PLCL2: variants seen among roughly 807,000 people sequenced by gnomAD.
PLCL2 encodes the protein inactive phospholipase C-like protein 2.
Under a neutral mutation model 79.6 loss-of-function variants are expected in PLCL2, and 4 were observed. The ratio of observed to expected loss-of-function variants is 0.05; its 90% confidence interval spans 0.02 to 0.11. The LOEUF is 0.11. Ranked by LOEUF, PLCL2 falls within the 10% of genes least tolerant of loss-of-function variation. The pLI is 1.00. For missense variants in PLCL2, 895 were observed against 1,291.0 expected (o/e 0.69, Z 4.70); for synonymous variants, 484 against 457.7 (o/e 1.06, Z -0.73).
chr3:17,022,058 G>T (rs889529798), intron 3 of PLCL2, among the ~76,000 whole-genome samples: 1 of 151,882 alleles, frequency 6.6e-6, no homozygotes, highest in East Asian at 1.9e-4. Context: ...ATTTGATAGG[G>T]TCTCCATGGT....
At chr3:16,888,560 A>G (rs756830459) in intron 1 of PLCL2, among the ~76,000 whole-genome samples, 16 of 152,218 alleles carry the variant, frequency 1.1e-4, no homozygotes, top group Non-Finnish European at 1.9e-4. Flanking sequence ...TATGTTTGTC[A>G]TCTTAAGTAA....
intron 1 of PLCL2, among the ~76,000 whole-genome samples, chr3:16,957,720 G>A (rs1029344185): frequency 3.3e-5 from 5 of 152,092 alleles, no homozygotes; most frequent in African/African-American, 1.2e-4. Flanking sequence ...CTCCTGTATT[G>A]GGGGCATATA....
Position 16,994,946 on chromosome 3 carries a change from G to A in PLCL2, c.328-14728G>A, listed in dbSNP as rs1351626504. Among the ~76,000 whole-genome samples, 3 of 152,378 alleles carry A rather than the reference G, an allele frequency of 2.0e-5. No individual in the cohort carries two copies. In the East Asian group the frequency reaches 5.8e-4, roughly 29 times the overall value. On this transcript the variant is annotated intron_variant, in intron 1 of 5. Transcript: ENST00000615277. ...CCAGAGTATGGAAGAGGCAAGAGCT[G>A]AGATTGGAGAATCTGAATTAGAGTG...
chr3:16,980,580 C>T (rs1383670427), intron 1 of PLCL2, among the ~76,000 whole-genome samples: 2 of 151,494 alleles, frequency 1.3e-5, no homozygotes, highest in African/African-American at 4.9e-5. Context: ...GATGTGATGG[C>T]GGCCGGGAAG....
intron 1 of PLCL2, among the ~76,000 whole-genome samples, chr3:17,008,203 A>G (rs1266553936): frequency 6.6e-6 from 1 of 151,812 alleles, no homozygotes. Flanking sequence ...ATTGGGGCAT[A>G]GTAATAGGTT....
At chr3:16,964,991 G>C (rs892401386) in intron 1 of PLCL2, among the ~76,000 whole-genome samples, 21 of 152,048 alleles carry the variant, frequency 1.4e-4, no homozygotes, top group African/African-American at 4.8e-4. Flanking sequence ...TCTGATGGTA[G>C]TTTCTTTTGC....
intron 5 of PLCL2, among the ~76,000 whole-genome samples, chr3:17,080,314 G>C (rs900473279): frequency 9.2e-5 from 14 of 152,140 alleles, no homozygotes; most frequent in Non-Finnish European, 5.9e-5. Context: ...ACCTGACCAA[G>C]CTAGGAGGCC....
intron 1 of PLCL2, among the ~76,000 whole-genome samples, chr3:16,899,442 A>G (rs138835027): frequency 5.9e-5 from 9 of 152,316 alleles, no homozygotes; most frequent in African/African-American, 2.2e-4. Context: ...ATTTCTGTGC[A>G]GAAGTTCACA....
intron 1 of PLCL2, among the ~76,000 whole-genome samples, chr3:16,897,947 C>A (rs2119478): frequency 0.64 from 96,995 of 152,058 alleles, 31,307 homozygotes; most frequent in East Asian, 0.86. Context: ...CTGGACTGCA[C>A]AAATTATTAG....
chr3:16,984,230 C>A (rs990590571), intron 1 of PLCL2, among the ~76,000 whole-genome samples: 2 of 152,012 alleles, frequency 1.3e-5, no homozygotes, highest in African/African-American at 4.8e-5. Context: ...TTTTTAAATT[C>A]TGATATTTTT....
At chr3:17,016,141 C>T (rs1329172320) in intron 3 of PLCL2, among the ~76,000 whole-genome samples, 1 of 152,134 alleles carries the variant, frequency 6.6e-6, no homozygotes, top group East Asian at 1.9e-4. Flanking sequence ...AGAGTATTTC[C>T]AGTTTCACAA....
chr3:16,958,361 C>T (rs570903213), intron 1 of PLCL2, among the ~76,000 whole-genome samples: 44 of 151,882 alleles, frequency 2.9e-4, no homozygotes, highest in Non-Finnish European at 5.6e-4. Context: ...GCTTATATAC[C>T]CACCATTTGC....
intron 5 of PLCL2, among the ~76,000 whole-genome samples, chr3:17,075,277 C>T (rs912029668): frequency 2.0e-5 from 3 of 152,058 alleles, no homozygotes; most frequent in Non-Finnish European, 4.4e-5. Flanking sequence ...GGAGAGTGAC[C>T]AGTGGAACAG....
At chr3:17,056,415 T>A (rs2064893048) in intron 4 of PLCL2, among the ~76,000 whole-genome samples, 2 of 152,152 alleles carry the variant, frequency 1.3e-5, no homozygotes, top group South Asian at 4.1e-4. Flanking sequence ...TCTCAAATTC[T>A]ATGGTCTACA....
intron 1 of PLCL2, among the ~76,000 whole-genome samples, chr3:16,960,177 T>G (rs921989103): frequency 6.6e-6 from 1 of 152,208 alleles, no homozygotes; most frequent in Non-Finnish European, 1.5e-5. Context: ...ACCACTATCA[T>G]TCAGATCTCT....
At chr3:16,947,900 T>A (rs1430148335) in intron 1 of PLCL2, among the ~76,000 whole-genome samples, 1 of 152,242 alleles carries the variant, frequency 6.6e-6, no homozygotes, top group Non-Finnish European at 1.5e-5. Flanking sequence ...ACATCAATAA[T>A]TATTGTCTTT....
chr3:17,038,384 G>C (rs532404341), intron 3 of PLCL2, among the ~76,000 whole-genome samples: 1 of 152,234 alleles, frequency 6.6e-6, no homozygotes, highest in East Asian at 1.9e-4. Flanking sequence ...GTGTTTATAG[G>C]GGCTTGATGA....
chr3:16,910,032 CCTT>C lies in PLCL2; in HGVS notation c.327+24671_327+24673del, dbSNP rs535218786. 1.1e-3 allele frequency among the ~76,000 whole-genome samples: 165 copies of C among 152,278 alleles called. 2 individuals carry two copies. The highest frequency in any genetic ancestry group is 2.5e-3 in the Admixed American group (39 of 15,296). On this transcript the variant is annotated intron_variant, in intron 1 of 5. Coordinates refer to ENST00000615277, the MANE Select transcript of PLCL2 (RefSeq NM_001144382.2). ...CTCCATCCACACAAAAGATCTCAAT[CCTT>C]CTTCCCTCCTCAGCTAATTCATAAG...
At chr3:17,007,772 G>T (rs1575583526) in intron 1 of PLCL2, among the ~76,000 whole-genome samples, 1 of 152,318 alleles carries the variant, frequency 6.6e-6, no homozygotes, top group Non-Finnish European at 1.5e-5. Flanking sequence ...AGGAAAATTA[G>T]AATTGCCTTT....
Sources: allele counts gnomAD v4.1 joint callset (sites outside exome capture counted in the v4.1 genomes callset), GRCh38; gene constraint gnomAD v4.1.1; transcripts MANE v1.5; gene names NCBI Gene and HGNC (gene_info 2026-07-23, HGNC 2026-07-21).